Variants in ITGA11 observed in about 807,000 individuals in gnomAD.
ITGA11 encodes integrin subunit alpha 11, also known as integrin alpha-11.
In ITGA11, 97 loss-of-function variants were observed where a neutral mutation model predicts 141.9. That is an observed-to-expected ratio of 0.68 (90% CI 0.58 to 0.81). The LOEUF (loss-of-function observed/expected upper bound fraction) is 0.81, where lower values mean the gene tolerates loss of function less well. ITGA11 is among the 30% of genes least tolerant of loss of function. ITGA11 has a pLI of 0.00. For missense variants in ITGA11, 1,387 were observed against 1,559.2 expected (o/e 0.89, Z 1.86); for synonymous variants, 658 against 624.6 (o/e 1.05, Z -0.80).
At chr15:68,339,288 G>A (rs1894479541) in intron 11 of ITGA11, among the ~76,000 whole-genome samples, 1 of 151,972 alleles carries the variant, frequency 6.6e-6, no homozygotes. Flanking sequence ...TATTTATGGA[G>A]AGCCTGTTAT....
intron 6 of ITGA11, 138 bp from the exon 7 acceptor site, chr15:68,357,437 A>G: frequency 9.9e-7 from 1 of 1,010,854 alleles, no homozygotes; most frequent in South Asian, 2.0e-5. Flanking sequence ...CTTTCCAAGA[A>G]AGTAACCACA....
intron 12 of ITGA11, among the ~76,000 whole-genome samples, chr15:68,334,327 A>G (rs1172222797): frequency 6.6e-6 from 1 of 152,218 alleles, no homozygotes; most frequent in Admixed American, 6.5e-5. Context: ...GCTAGGAGAG[A>G]GAGTCATCCT....
chr15:68,310,696 C>T (rs573376996), intron 26 of ITGA11, among the ~76,000 whole-genome samples: 99 of 152,320 alleles, frequency 6.5e-4, no homozygotes, highest in African/African-American at 2.3e-3. Context: ...GGCCCAGGTG[C>T]AAGTCCACTC....
intron 2 of ITGA11, among the ~76,000 whole-genome samples, chr15:68,401,668 A>G (rs1212702230): frequency 1.3e-5 from 2 of 152,166 alleles, no homozygotes; most frequent in South Asian, 4.1e-4. Flanking sequence ...GATAGGAGTC[A>G]GCATAGTGGG....
intron 1 of ITGA11, among the ~76,000 whole-genome samples, chr15:68,428,428 G>A (rs993914617): frequency 6.6e-6 from 1 of 152,156 alleles, no homozygotes; most frequent in African/African-American, 2.4e-5. Flanking sequence ...GCTGGGAATG[G>A]TGGGAAGAGC....
intron 25 of ITGA11, 58 bp downstream of exon 25, chr15:68,311,232 G>T: frequency 7.6e-7 from 1 of 1,316,640 alleles, no homozygotes; most frequent in Non-Finnish European, 1.1e-6. Flanking sequence ...CACACGTAGG[G>T]GGAGTGTCTG....
intron 22 of ITGA11, among the ~76,000 whole-genome samples, chr15:68,315,115 A>G (rs1372989797): frequency 2.0e-5 from 3 of 152,230 alleles, no homozygotes; most frequent in Non-Finnish European, 4.4e-5. Context: ...GGCCTCTTAA[A>G]AATAGAAAAA....
intron 2 of ITGA11, among the ~76,000 whole-genome samples, chr15:68,400,905 T>TTATATAATAAATATTATATAA (rs1896488853): frequency 1.1e-5 from 1 of 95,196 alleles, no homozygotes; most frequent in African/African-American, 4.9e-5. Flanking sequence ...ATATTATATA[T>TTATATAATAAATATTATATAA]TATATAATAA....
At chr15:68,407,177 C>G (rs953639321) in intron 1 of ITGA11, among the ~76,000 whole-genome samples, 2 of 152,056 alleles carry the variant, frequency 1.3e-5, no homozygotes, top group African/African-American at 4.8e-5. Context: ...CAGCTGCCTG[C>G]ATTCCATCCT....
rs1277730825 is a variant in ITGA11, at chr15:68,308,178, CT to C, written c.3175-483del. ...GAAAAATTATGCATGGATTCCAAAA[CT>C]TTTTTTGCCCCAAAATAAACTCGTA... is the stretch of plus-strand genomic sequence containing the variant. On this transcript the variant is annotated intron_variant, in intron 26 of 29. Coordinates refer to ENST00000315757, the MANE Select transcript of ITGA11 (RefSeq NM_001004439.2). This position sits in a 1 kb window ranked among gnomAD's most constrained non-coding sequence, Gnocchi z 5.2. Among the ~76,000 whole-genome samples the C allele has an allele frequency of 1.3e-5, 2 of 152,092 alleles. No individual in the cohort carries two copies. The highest frequency in any genetic ancestry group is 2.9e-5 in the Non-Finnish European group (2 of 68,004).
rs1349983265 is a variant in ITGA11 at position 68,300,313 on chromosome 15, A to G, written c.*2746T>C. 2 of 152,250 alleles carry G rather than the reference A, an allele frequency of 1.3e-5. No individual in the cohort carries two copies. The highest frequency in any genetic ancestry group is 2.4e-5 in the African/African-American group (1 of 41,538). The allele number at this position is 152,250 out of a possible 1,614,324, so 9.4% of individuals were successfully genotyped here. On this transcript the variant is annotated 3_prime_UTR_variant, in exon 30 of 30. Coordinates refer to ENST00000315757, the MANE Select transcript of ITGA11 (RefSeq NM_001004439.2). ...CTTGGGCACAACCCCCTCTTTCTTCATCTTACAGCCTGGATATTCACTTAC... is the reference window on the plus strand; with the variant it reads ...CTTGGGCACAACCCCCTCTTTCTTCGTCTTACAGCCTGGATATTCACTTAC...
intron 2 of ITGA11, among the ~76,000 whole-genome samples, chr15:68,384,072 G>C (rs549661777): frequency 3.9e-5 from 6 of 151,916 alleles, no homozygotes; most frequent in African/African-American, 1.2e-4. Context: ...GCATGCAATG[G>C]CTGAACTCCT....
intron 26 of ITGA11, among the ~76,000 whole-genome samples, chr15:68,309,535 T>C (rs1303428717): frequency 6.6e-6 from 1 of 151,914 alleles, no homozygotes; most frequent in East Asian, 1.9e-4. Flanking sequence ...ACCAACCATG[T>C]AGTCCATTCT....
chr15:68,317,283 G>A lies in ITGA11; in HGVS notation c.2697C>T (p.Phe899=). 1 of 1,613,492 alleles carries A rather than the reference G, an allele frequency of 6.2e-7. No individual in the cohort carries two copies. The highest frequency in any genetic ancestry group is 8.5e-7 in the Non-Finnish European group (1 of 1,179,424). Residue 899 remains phenylalanine, a synonymous_variant, in exon 21 of 30, where the codon TTC becomes TTT. Coordinates refer to ENST00000315757, the MANE Select transcript of ITGA11 (RefSeq NM_001004439.2). ...TCTCAACCTTGGCCTTGGCCCGGAA[G>A]AAGGGATAGCTGACGTTGCAGACTT... The part of the protein sequence containing the change: ...QKQVCNVSYP[F]FRAKAKVAFR...
At chr15:68,406,367 C>G (rs900076614) in intron 1 of ITGA11, among the ~76,000 whole-genome samples, 4 of 152,124 alleles carry the variant, frequency 2.6e-5, no homozygotes, top group African/African-American at 9.7e-5. Flanking sequence ...CTCCTCTCCT[C>G]CAGCCATACT....
In ITGA11 at chr15:68,325,185, G is replaced by T; in HGVS notation, c.2268C>A (p.Asp756Glu). 1.2e-6 allele frequency: 2 copies of T among 1,613,978 alleles called. No homozygotes were observed. The highest frequency in any genetic ancestry group is 2.7e-5 in the African/African-American group (2 of 75,048). Reference sequence around the variant, plus strand: ...CGTCCAGCATGGGGCCATGGTCAGGGTCCTCCAGGGAATACTCGACTGAGA... The same window carrying T: ...CGTCCAGCATGGGGCCATGGTCAGGTTCCTCCAGGGAATACTCGACTGAGA... ...VTFSVEYSLE[D>E]PDHGPMLDDG... Residue 756 changes from aspartate (D) to glutamate (E), a missense_variant, in exon 18 of 30, where the codon GAC becomes GAA. Coordinates refer to ENST00000315757, the MANE Select transcript of ITGA11 (RefSeq NM_001004439.2). The surrounding 1 kb of genome is among the most constrained non-coding windows in gnomAD (Gnocchi z 5.5).
intron 1 of ITGA11, among the ~76,000 whole-genome samples, chr15:68,417,782 G>T (rs1896921641): frequency 6.6e-6 from 1 of 152,212 alleles, no homozygotes; most frequent in Admixed American, 6.5e-5. Context: ...TCTTCCCCAA[G>T]AACTTTTCTC....
chr15:68,432,011 CTA>C lies in ITGA11; in HGVS notation c.52+2_52+3del. The C allele has an allele frequency of 7.6e-7, 1 of 1,312,514 alleles. No homozygotes were observed. Among genetic ancestry groups the C allele is most frequent in the Non-Finnish European group, 9.7e-7 (1 of 1,026,662 alleles). 81.3% of individuals were successfully genotyped at this position (1,312,514 alleles called of 1,614,324 possible). On this transcript the variant is annotated splice_donor_variant and splice_donor_region_variant and intron_variant, in intron 1 of 29. Coordinates refer to ENST00000315757, the MANE Select transcript of ITGA11 (RefSeq NM_001004439.2). LOFTEE classifies it high-confidence loss of function. ...GCAAGGGGAGGCAGAGGGTGGGCAC[CTA>C]CCTGGCCACAGGCTGAGCGCCCAGG...
At chr15:68,369,828 C>T (rs1052354311) in intron 2 of ITGA11, among the ~76,000 whole-genome samples, 1 of 152,184 alleles carries the variant, frequency 6.6e-6, no homozygotes, top group African/African-American at 2.4e-5. Context: ...AGCTGGGGCT[C>T]CTGCCTTGAG....
Sources: allele counts gnomAD v4.1 joint callset (sites outside exome capture counted in the v4.1 genomes callset), GRCh38; gene constraint gnomAD v4.1.1; non-coding constraint Gnocchi (gnomAD v3.1); transcripts MANE v1.5; gene names NCBI Gene and HGNC (gene_info 2026-07-23, HGNC 2026-07-21).